Variants in KNTC1 observed in about 807,000 individuals in gnomAD.
KNTC1 encodes the protein kinetochore associated 1, also known as kinetochore-associated protein 1.
In KNTC1, 253 loss-of-function variants were observed where a neutral mutation model predicts 314.4. The observed-to-expected ratio is 0.80, with a 90% CI of 0.73 to 0.89. The LOEUF (loss-of-function observed/expected upper bound fraction) is 0.89. KNTC1 is among the 40% of genes least tolerant of loss of function. The pLI is 0.00. For synonymous variants in KNTC1, 901 were observed against 901.4 expected (o/e 1.00, Z 0.01); for missense variants, 2,475 against 2,572.9 (o/e 0.96, Z 0.82).
chr12:122,613,934 G>A (rs568492691), intron 55 of KNTC1, among the ~76,000 whole-genome samples, 173 bp downstream of exon 55: 7 of 152,112 alleles, frequency 4.6e-5, no homozygotes, highest in African/African-American at 1.4e-4. Context: ...TCCATCTCCC[G>A]GGTTCAAGCC....
rs1043802755 is a variant in KNTC1 at position 122,618,406 on chromosome 12, C to T, written c.6085+9C>T. On this transcript the variant is annotated intron_variant, in intron 58 of 63. Coordinates refer to ENST00000333479, the MANE Select transcript of KNTC1 (RefSeq NM_014708.6). ...GATACCACTGCTTTCAGGTATTTCG[C>T]TCTCTGAAACATTGGCTACAGCATT... is the stretch of plus-strand genomic sequence containing the variant. 4 of 1,613,462 alleles carry T rather than the reference C, an allele frequency of 2.5e-6. No homozygotes were observed. The highest frequency in any genetic ancestry group is 2.5e-6 in the Non-Finnish European group (3 of 1,179,482).
intron 20 of KNTC1, among the ~76,000 whole-genome samples, chr12:122,566,335 C>A (rs1033327588): frequency 4.0e-5 from 6 of 151,808 alleles, no homozygotes; most frequent in Non-Finnish European, 5.9e-5. Context: ...CTCACTGCAG[C>A]CTCTGCCTCC....
At chr12:122,622,045 G>A in intron 61 of KNTC1, 75 bp downstream of exon 61, 3 of 1,049,876 alleles carry the variant, frequency 2.9e-6, no homozygotes, top group Non-Finnish European at 4.3e-6. Context: ...CAAACCAAGA[G>A]TAAGCTGAAA....
At chr12:122,560,240 T>A (rs915088441) in intron 18 of KNTC1, among the ~76,000 whole-genome samples, 1 of 152,182 alleles carries the variant, frequency 6.6e-6, no homozygotes, top group Non-Finnish European at 1.5e-5. Context: ...AACCCTGACT[T>A]CTTTAGTTAT....
intron 18 of KNTC1, 53 bp from the exon 19 acceptor site, chr12:122,561,868 G>A (rs1368307095): frequency 9.2e-6 from 13 of 1,407,834 alleles, no homozygotes; most frequent in Admixed American, 6.5e-5. Flanking sequence ...CCATCATTTA[G>A]GAAATAAACA....
In KNTC1 at chr12:122,576,892, CAG is replaced by C. The variant is rs1335196542; in HGVS notation, c.2589_2590del. The C allele has an allele frequency of 1.3e-6, 2 of 1,557,378 alleles. No homozygotes were observed. Among genetic ancestry groups the C allele is most frequent in the African/African-American group, 1.4e-5 (1 of 71,966 alleles). ...AAAGAAATGTTCATATTGTCTTTTG[CAG>C]AGAGTGGTTAGATACATTCTCAAAC... is the stretch of plus-strand genomic sequence containing the variant. On this transcript the variant is annotated splice_acceptor_variant, in intron 29 of 63. Coordinates refer to ENST00000333479, the MANE Select transcript of KNTC1 (RefSeq NM_014708.6). LOFTEE classifies it high-confidence loss of function.
At chr12:122,574,419 A>G in intron 27 of KNTC1, 39 bp downstream of exon 27, 4 of 1,225,108 alleles carry the variant, frequency 3.3e-6, no homozygotes, top group Non-Finnish European at 4.7e-6. Flanking sequence ...CCTTTTGAGC[A>G]TTAAATCTTT....
chr12:122,536,173 G>C (rs1367278303), intron 3 of KNTC1, among the ~76,000 whole-genome samples: 2 of 151,448 alleles, frequency 1.3e-5, no homozygotes, highest in Non-Finnish European at 2.9e-5. Flanking sequence ...AAAGTGCTGG[G>C]ATTATAGGCA....
At chr12:122,537,028 C>T (rs1187237112) in intron 3 of KNTC1, among the ~76,000 whole-genome samples, 1 of 152,130 alleles carries the variant, frequency 6.6e-6, no homozygotes, top group Non-Finnish European at 1.5e-5. Flanking sequence ...GGATGAGTAA[C>T]GATGATCCAT....
intron 18 of KNTC1, among the ~76,000 whole-genome samples, chr12:122,561,331 A>G (rs1044873519): frequency 1.3e-5 from 2 of 151,878 alleles, no homozygotes; most frequent in Admixed American, 6.6e-5. Context: ...AAAAATAATA[A>G]TAATAATAAA....
At chr12:122,575,138 G>A (rs928269954) in intron 27 of KNTC1, among the ~76,000 whole-genome samples, 6 of 152,100 alleles carry the variant, frequency 3.9e-5, no homozygotes, top group Non-Finnish European at 7.3e-5. Context: ...GTGCTTGCCT[G>A]TAGTCCAAGC....
chr12:122,592,487 A>C (rs1008488824), intron 42 of KNTC1, among the ~76,000 whole-genome samples: 1 of 152,204 alleles, frequency 6.6e-6, no homozygotes. Context: ...AGCTGGGCTC[A>C]TGAGTCTGGT....
chr12:122,624,816 A>G (rs943688230), intron 63 of KNTC1, 128 bp downstream of exon 63: 1 of 742,970 alleles, frequency 1.3e-6, no homozygotes, highest in African/African-American at 1.7e-5. Context: ...TAATTTTTAT[A>G]TTTTACTTTT....
chr12:122,562,734 G>C (rs778036118), intron 20 of KNTC1, 35 bp downstream of exon 20: 2 of 1,310,306 alleles, frequency 1.5e-6, no homozygotes, highest in South Asian at 1.2e-5. Context: ...TTTAGGCCAG[G>C]CATGGTGTCT....
At chr12:122,612,513 G>A (rs2138157556) in intron 53 of KNTC1, among the ~76,000 whole-genome samples, 1 of 150,956 alleles carries the variant, frequency 6.6e-6, no homozygotes, top group East Asian at 2.0e-4. Context: ...TCCGCCTCCG[G>A]GTTCAAATGA....
At chr12:122,530,530 A>G (rs113801439) in intron 2 of KNTC1, among the ~76,000 whole-genome samples, 4,548 of 151,292 alleles carry the variant, frequency 0.03, 224 homozygotes, top group African/African-American at 0.1. Flanking sequence ...GGCTCACTGC[A>G]ATCTCTGACT....
intron 5 of KNTC1, among the ~76,000 whole-genome samples, chr12:122,540,501 A>G (rs1962219989): frequency 6.6e-6 from 1 of 152,076 alleles, no homozygotes; most frequent in African/African-American, 2.4e-5. Context: ...TGCAATTAAT[A>G]TTGTAAGAAA....
chr12:122,603,287 A>AG, intron 48 of KNTC1, 44 bp downstream of exon 48: 2 of 1,154,016 alleles, frequency 1.7e-6, no homozygotes, highest in Non-Finnish European at 2.5e-6. Flanking sequence ...AAAAAAAAAA[A>AG]GTACTCTTTT....
chr12:122,614,909 T>TTA (rs1438250669), intron 55 of KNTC1, 82 bp from the exon 56 acceptor site: 5 of 927,508 alleles, frequency 5.4e-6, no homozygotes, highest in Non-Finnish European at 6.6e-6. Context: ...ATATTTTGTA[T>TTA]TAAGCTGCCC....
Sources: gnomAD v4.1 joint callset for allele counts (sites outside exome capture counted in the v4.1 genomes callset) on GRCh38, gnomAD v4.1.1 for gene constraint, MANE v1.5 for transcripts, NCBI Gene and HGNC (gene_info 2026-07-23, HGNC 2026-07-21) for gene names.